The following CTNNA2 variants were observed in gnomAD, a reference collection of about 807,000 sequenced individuals.
CTNNA2 encodes catenin alpha 2, also known as catenin alpha-2.
CTNNA2 carries 42 observed loss-of-function variants against 101.0 expected under a neutral mutation model. The ratio of observed to expected loss-of-function variants is 0.42; its 90% CI spans 0.32 to 0.54. CTNNA2 has a LOEUF of 0.54. Among genes scored for constraint, CTNNA2 ranks in the 20% least tolerant of loss-of-function variants. The pLI is 0.14. For synonymous variants in CTNNA2, 450 were observed against 456.4 expected (o/e 0.99, Z 0.18); for missense variants, 871 against 1,223.1 (o/e 0.71, Z 4.29).
At chr2:79,955,424 C>A (rs1461033817) in intron 7 of CTNNA2, among the ~76,000 whole-genome samples, 1 of 152,122 alleles carries the variant, frequency 6.6e-6, no homozygotes, top group Non-Finnish European at 1.5e-5. Flanking sequence ...TTCATGATAC[C>A]CGTGTCCTCA....
At chr2:80,387,425 G>A (rs1313327339) in intron 7 of CTNNA2, among the ~76,000 whole-genome samples, 2 of 152,168 alleles carry the variant, frequency 1.3e-5, no homozygotes, top group African/African-American at 4.8e-5. Flanking sequence ...AACACCTTCA[G>A]AATTTCAGAA....
chr2:79,433,382 C>G (rs1443496001), intron 4 of CTNNA2, among the ~76,000 whole-genome samples: 1 of 152,090 alleles, frequency 6.6e-6, no homozygotes, highest in Non-Finnish European at 1.5e-5. Flanking sequence ...TGAGGACTCC[C>G]TCCAAGATTA....
chr2:79,410,053 C>G (rs1443066583), intron 4 of CTNNA2, among the ~76,000 whole-genome samples: 3 of 131,984 alleles, frequency 2.3e-5, no homozygotes, highest in Non-Finnish European at 5.0e-5. Flanking sequence ...ATTTTATTCT[C>G]TTTGAAGCAA....
At chr2:80,210,915 G>A (rs1707848254) in intron 7 of CTNNA2, among the ~76,000 whole-genome samples, 1 of 152,134 alleles carries the variant, frequency 6.6e-6, no homozygotes. Flanking sequence ...ATTCTAACTG[G>A]TGTGATATGG....
intron 2 of CTNNA2, among the ~76,000 whole-genome samples, chr2:79,274,164 T>C (rs1225320464): frequency 1.3e-5 from 2 of 152,118 alleles, no homozygotes; most frequent in Non-Finnish European, 2.9e-5. Flanking sequence ...CATGTAATTT[T>C]AGATGTGTAA....
At chr2:79,445,413 C>A (rs1678822223) in intron 4 of CTNNA2, among the ~76,000 whole-genome samples, 1 of 152,164 alleles carries the variant, frequency 6.6e-6, no homozygotes, top group African/African-American at 2.4e-5. Context: ...CCCATAGTTT[C>A]TTCTCCTTCT....
At chr2:79,304,644 C>T (rs1219541836) in intron 2 of CTNNA2, among the ~76,000 whole-genome samples, 1 of 152,180 alleles carries the variant, frequency 6.6e-6, no homozygotes, top group Non-Finnish European at 1.5e-5. Flanking sequence ...TGTTAAAATA[C>T]ATGGCACTAT....
chr2:79,281,219 C>G (rs1004935263), intron 2 of CTNNA2, among the ~76,000 whole-genome samples: 2 of 152,064 alleles, frequency 1.3e-5, no homozygotes, highest in Non-Finnish European at 2.9e-5. Context: ...CCAAGGGTGG[C>G]CTGCAAAGCA....
At chr2:80,245,533 A>C (rs1201005584) in intron 7 of CTNNA2, among the ~76,000 whole-genome samples, 1 of 151,900 alleles carries the variant, frequency 6.6e-6, no homozygotes, top group East Asian at 1.9e-4. Context: ...CATCAATTTC[A>C]CTTCTGCCTT....
intron 7 of CTNNA2, chr2:80,163,019 A>G: frequency 1.3e-6 from 2 of 1,561,392 alleles, no homozygotes; most frequent in Non-Finnish European, 1.8e-6. Context: ...TAGGCCTTCC[A>G]TAAAGTTTGA....
At chr2:80,497,579 C>A (rs979624946) in intron 9 of CTNNA2, among the ~76,000 whole-genome samples, 1 of 152,178 alleles carries the variant, frequency 6.6e-6, no homozygotes, top group Non-Finnish European at 1.5e-5. Context: ...CCCAAGATTT[C>A]TGTCCCCTGT....
In CTNNA2 at chr2:80,251,524, A is replaced by G. The variant is rs368771962; in HGVS notation, c.1057-141687A>G. The stretch of plus-strand genomic sequence containing the variant: ...AAAAAGAAGGCTCTAGCAGGCTCCC[A>G]TGGAACCAGTAAGGGTGATGACTCC... On this transcript the variant is annotated intron_variant, in intron 7 of 18. Transcript: ENST00000402739. Among the ~76,000 whole-genome samples, 21 of 152,280 alleles carry G rather than the reference A, an allele frequency of 1.4e-4. No homozygotes were observed. The East Asian group carries it at 2.7e-3, about 20-fold the overall frequency.
chr2:79,661,284 T>C (rs895906193), intron 2 of CTNNA2, among the ~76,000 whole-genome samples: 1 of 152,192 alleles, frequency 6.6e-6, no homozygotes, highest in African/African-American at 2.4e-5. Context: ...TTGTGATAGT[T>C]TTAGAATACA....
In CTNNA2 at chr2:80,562,268, G is replaced by A. The variant is rs189810106; in HGVS notation, c.1741+6375G>A. 2.1e-3 allele frequency among the ~76,000 whole-genome samples: 325 copies of A among 152,240 alleles called. 1 individual carries two copies. Among genetic ancestry groups the A allele is most frequent in the Middle Eastern group, 6.8e-3 (2 of 294 alleles). On this transcript the variant is annotated intron_variant, in intron 12 of 18. Coordinates refer to ENST00000402739, the MANE Select transcript of CTNNA2 (RefSeq NM_001282597.3). ...TTCTCCCACAATTCAGACATGGTCA[G>A]CTCTCTCAGCATAAGAGGCTGAAGA...
chr2:80,081,642 C>T (rs576710562), intron 7 of CTNNA2, among the ~76,000 whole-genome samples: 2 of 152,190 alleles, frequency 1.3e-5, no homozygotes, highest in East Asian at 3.9e-4. Flanking sequence ...TATTTTCCCT[C>T]ATAAAGCTCT....
intron 7 of CTNNA2, among the ~76,000 whole-genome samples, chr2:80,248,620 C>T (rs378076): frequency 0.52 from 78,565 of 152,026 alleles, 21,723 homozygotes; most frequent in Non-Finnish European, 0.63. Flanking sequence ...GCTGCTTCCC[C>T]GGAGAGTCTG....
chr2:79,968,856 C>T (rs898445873), intron 7 of CTNNA2, among the ~76,000 whole-genome samples: 2 of 151,062 alleles, frequency 1.3e-5, no homozygotes, highest in African/African-American at 2.4e-5. Flanking sequence ...TGAATCCCTT[C>T]GTTGCTCCAG....
chr2:80,035,928 C>T (rs1048461928), intron 7 of CTNNA2, among the ~76,000 whole-genome samples: 12 of 152,160 alleles, frequency 7.9e-5, no homozygotes, highest in Non-Finnish European at 1.5e-4. Flanking sequence ...TCAATTTCCT[C>T]CTATGACAGA....
At chr2:79,906,478 G>A (rs1254319148) in intron 6 of CTNNA2, among the ~76,000 whole-genome samples, 1 of 152,146 alleles carries the variant, frequency 6.6e-6, no homozygotes, top group African/African-American at 2.4e-5. Flanking sequence ...CATCTGTACT[G>A]CAGATACAGA....
Sources: gnomAD v4.1 joint callset for allele counts (sites outside exome capture counted in the v4.1 genomes callset) on GRCh38, gnomAD v4.1.1 for gene constraint, MANE v1.5 for transcripts, NCBI Gene and HGNC (gene_info 2026-07-23, HGNC 2026-07-21) for gene names.